PRR16: variants seen among roughly 807,000 people sequenced by gnomAD.
PRR16 encodes the protein protein Largen.
Under a neutral mutation model 18.2 loss-of-function variants are expected in PRR16, and 6 were observed. The ratio of observed to expected loss-of-function variants is 0.33; its 90% confidence interval spans 0.18 to 0.65. The LOEUF (loss-of-function observed/expected upper bound fraction) is 0.65. Ranked by LOEUF, PRR16 falls within the 30% of genes least tolerant of loss-of-function variation. The pLI, the probability that PRR16 is intolerant of heterozygous loss-of-function variation, is 0.74. For missense variants in PRR16, 412 were observed against 376.6 expected (o/e 1.09, Z -0.78); for synonymous variants, 151 against 147.8 (o/e 1.02, Z -0.16).
chr5:120,695,956 A>T, the PRR16 span, among the ~76,000 whole-genome samples: 51 of 152,088 alleles, frequency 3.4e-4, no homozygotes, highest in African/African-American at 1.2e-3. Context: ...TATATATATA[A>T]AACCGGCCAT....
chr5:120,718,226 C>T, the PRR16 span, among the ~76,000 whole-genome samples: 3 of 152,072 alleles, frequency 2.0e-5, no homozygotes, highest in Non-Finnish European at 4.4e-5. Context: ...ATTTCTGTGG[C>T]CCTACTTAAT....
chr5:120,739,434 T>C, the PRR16 span, among the ~76,000 whole-genome samples: 1 of 152,156 alleles, frequency 6.6e-6, no homozygotes, highest in East Asian at 1.9e-4. Flanking sequence ...TACTTTTCTT[T>C]GTCTAACTCA....
intron 1 of PRR16, among the ~76,000 whole-genome samples, chr5:120,485,091 T>G (rs915237878): frequency 4.6e-5 from 7 of 152,046 alleles, no homozygotes; most frequent in African/African-American, 1.4e-4. Context: ...TTAGTGTAAT[T>G]ATTTCACATA....
intron 1 of PRR16, among the ~76,000 whole-genome samples, chr5:120,498,299 A>C (rs1351925270): frequency 6.7e-6 from 1 of 149,058 alleles, no homozygotes; most frequent in Non-Finnish European, 1.5e-5. Context: ...TATATATATA[A>C]AAATACCTAT....
chr5:120,569,567 G>A (rs948440569), intron 1 of PRR16, among the ~76,000 whole-genome samples: 2 of 152,132 alleles, frequency 1.3e-5, no homozygotes, highest in Non-Finnish European at 2.9e-5. Flanking sequence ...AAACTTACAG[G>A]TTGGATGAAG....
intron 1 of PRR16, among the ~76,000 whole-genome samples, chr5:120,665,724 C>G (rs994092365): frequency 5.3e-5 from 8 of 152,288 alleles, no homozygotes; most frequent in East Asian, 1.9e-4. Context: ...AATCCTTCCC[C>G]CATTTCCTGT....
At chr5:120,505,129 C>T (rs1750598283) in intron 1 of PRR16, among the ~76,000 whole-genome samples, 1 of 152,128 alleles carries the variant, frequency 6.6e-6, no homozygotes, top group Admixed American at 6.5e-5. Context: ...TTTCCTTCTG[C>T]TTTCTTTCTT....
At chr5:120,763,868 T>A in the PRR16 span, among the ~76,000 whole-genome samples, 3 of 152,132 alleles carry the variant, frequency 2.0e-5, no homozygotes. Flanking sequence ...TAGTTTATTA[T>A]TAATATACAG....
chr5:120,623,716 G>A (rs1221805880), intron 1 of PRR16, among the ~76,000 whole-genome samples: 1 of 152,000 alleles, frequency 6.6e-6, no homozygotes, highest in Non-Finnish European at 1.5e-5. Context: ...ATTTGCCATG[G>A]ATTCATTAGA....
At chr5:120,579,825 T>A (rs1433056814) in intron 1 of PRR16, among the ~76,000 whole-genome samples, 7 of 152,206 alleles carry the variant, frequency 4.6e-5, no homozygotes, top group Non-Finnish European at 7.3e-5. Flanking sequence ...ACAAGGGCAG[T>A]ATGGCCATTT....
At chr5:120,757,585 A>G in the PRR16 span, among the ~76,000 whole-genome samples, 1 of 152,074 alleles carries the variant, frequency 6.6e-6, no homozygotes, top group Non-Finnish European at 1.5e-5. Flanking sequence ...AATCAAGAAA[A>G]TAATTTAAAT....
At position 120,680,115 on chromosome 5, in the gene PRR16, A is replaced by G. The variant is rs1756926566; in HGVS notation, c.160-5839A>G. ...AACCTCATGTGTACCTTAAATATCCACAATAAAATTTATTTAACAGATGTT... is the reference window on the plus strand; with the variant it reads ...AACCTCATGTGTACCTTAAATATCCGCAATAAAATTTATTTAACAGATGTT... On this transcript the variant is annotated intron_variant, in intron 1 of 1. Transcript: ENST00000407149. Among the ~76,000 whole-genome samples the G allele has an allele frequency of 5.9e-5, 9 of 152,236 alleles. No homozygotes were observed. In the South Asian group the frequency reaches 1.9e-3, roughly 32 times the overall value.
intron 1 of PRR16, among the ~76,000 whole-genome samples, chr5:120,616,555 C>T (rs1189444769): frequency 6.6e-6 from 1 of 152,090 alleles, no homozygotes; most frequent in Non-Finnish European, 1.5e-5. Flanking sequence ...GCAAGGTATC[C>T]CTTTAAATAT....
the PRR16 span, among the ~76,000 whole-genome samples, chr5:120,739,269 T>C: frequency 1.3e-5 from 2 of 152,106 alleles, no homozygotes; most frequent in Admixed American, 6.5e-5. Context: ...GATACTGTTA[T>C]AAAAAAATTT....
intron 1 of PRR16, among the ~76,000 whole-genome samples, chr5:120,628,041 A>G (rs1189958243): frequency 6.6e-6 from 1 of 152,080 alleles, no homozygotes; most frequent in Non-Finnish European, 1.5e-5. Flanking sequence ...AGCAAAAAAC[A>G]TGTATCCTAT....
intron 1 of PRR16, among the ~76,000 whole-genome samples, chr5:120,507,477 A>G (rs949432059): frequency 5.3e-5 from 8 of 152,102 alleles, no homozygotes; most frequent in Admixed American, 4.6e-4. Flanking sequence ...TGCAGAACAG[A>G]TGGAGTACCT....
intron 1 of PRR16, among the ~76,000 whole-genome samples, chr5:120,556,013 T>C (rs1580720656): frequency 6.6e-6 from 1 of 151,932 alleles, no homozygotes; most frequent in South Asian, 2.1e-4. Flanking sequence ...CATCAAACTT[T>C]TCACCTGTAC....
intron 1 of PRR16, among the ~76,000 whole-genome samples, chr5:120,487,332 G>A (rs368269791): frequency 6.6e-6 from 1 of 152,136 alleles, no homozygotes; most frequent in African/African-American, 2.4e-5. Flanking sequence ...TTGAGCAGTG[G>A]TTTGTAGTTC....
At chr5:120,731,141 G>A in the PRR16 span, among the ~76,000 whole-genome samples, 185 of 152,226 alleles carry the variant, frequency 1.2e-3, 2 homozygotes, top group South Asian at 6.4e-3. Context: ...ACAGATCTCA[G>A]AATCTAACAA....
Sources: gnomAD v4.1 joint callset for allele counts (sites outside exome capture counted in the v4.1 genomes callset) on GRCh38, gnomAD v4.1.1 for gene constraint, MANE v1.5 for transcripts, NCBI Gene and HGNC (gene_info 2026-07-23, HGNC 2026-07-21) for gene names.